The following WWOX variants were observed in gnomAD, a reference collection of about 807,000 sequenced individuals.
The protein encoded by WWOX is WW domain containing oxidoreductase.
In WWOX, 69 loss-of-function variants were observed where a neutral mutation model predicts 46.2. The ratio of observed to expected loss-of-function variants is 1.49; its 90% CI spans 1.23 to 1.82. The LOEUF (loss-of-function observed/expected upper bound fraction) is 1.82, where lower values mean the gene tolerates loss of function less well. Ranked by LOEUF, WWOX falls within the 40% of genes most tolerant of loss-of-function variation. The probability of loss-of-function intolerance (pLI) is 0.00; values close to 1 mark genes in which losing one functional copy is unlikely to be tolerated. For missense variants in WWOX, 919 were observed against 542.6 expected, an observed-to-expected ratio of 1.69 and a Z score of -6.89; for synonymous variants, 359 against 202.6, an observed-to-expected ratio of 1.77 and a Z score of -6.56.
chr16:78,715,992 C>A (rs759800245), intron 8 of WWOX, among the ~76,000 whole-genome samples: 27 of 151,652 alleles, frequency 1.8e-4, no homozygotes, highest in Non-Finnish European at 3.1e-4. Context: ...GAGGTTTGAG[C>A]AAGAAATTAT....
chr16:78,294,060 A>T (rs1193972914), intron 5 of WWOX, among the ~76,000 whole-genome samples: 1 of 141,628 alleles, frequency 7.1e-6, no homozygotes, highest in East Asian at 2.3e-4. Context: ...CTTCGTGTTT[A>T]GCAATTTGGA....
chr16:78,625,157 A>G (rs562589256), intron 8 of WWOX, among the ~76,000 whole-genome samples: 8 of 152,292 alleles, frequency 5.3e-5, no homozygotes, highest in East Asian at 1.9e-4. Flanking sequence ...AACATCACCA[A>G]TCACGCTGAG....
At chr16:78,589,735 G>C (rs2045306725) in intron 8 of WWOX, among the ~76,000 whole-genome samples, 1 of 152,178 alleles carries the variant, frequency 6.6e-6, no homozygotes, top group Non-Finnish European at 1.5e-5. Flanking sequence ...GTGTGCGACT[G>C]TTTACCTTCT....
chr16:78,308,404 C>T (rs2080173818), intron 5 of WWOX, among the ~76,000 whole-genome samples: 2 of 152,040 alleles, frequency 1.3e-5, no homozygotes, highest in South Asian at 2.1e-4. Context: ...TTTTGGAATT[C>T]AGTCACAACT....
chr16:79,000,001 C>G (rs1204830302), intron 8 of WWOX, among the ~76,000 whole-genome samples: 1 of 151,930 alleles, frequency 6.6e-6, no homozygotes, highest in Non-Finnish European at 1.5e-5. Flanking sequence ...CATCTATGAT[C>G]TTAGATTTAG....
At chr16:78,666,504 A>T (rs1466799217) in intron 8 of WWOX, among the ~76,000 whole-genome samples, 1 of 152,192 alleles carries the variant, frequency 6.6e-6, no homozygotes, top group African/African-American at 2.4e-5. Context: ...AAATTGTTTT[A>T]AAGATCTGCC....
intron 8 of WWOX, among the ~76,000 whole-genome samples, chr16:78,716,266 C>T (rs140845949): frequency 2.2e-4 from 33 of 152,194 alleles, no homozygotes; most frequent in African/African-American, 7.9e-4. Context: ...ATGTCTGGGA[C>T]TGCCAGAAGC....
At chr16:78,925,691 T>A (rs986613003) in intron 8 of WWOX, among the ~76,000 whole-genome samples, 1 of 152,212 alleles carries the variant, frequency 6.6e-6, no homozygotes, top group Non-Finnish European at 1.5e-5. Context: ...TTGCCAAGAT[T>A]TGAGAAGGGA....
chr16:78,243,046 C>G (rs1296332855), intron 5 of WWOX, among the ~76,000 whole-genome samples: 1 of 151,712 alleles, frequency 6.6e-6, no homozygotes, highest in Non-Finnish European at 1.5e-5. Flanking sequence ...GTGAGCCTTC[C>G]CTTCCCTCTC....
chr16:78,958,803 G>A lies in WWOX; in HGVS notation c.1057-252805G>A, dbSNP rs12446679. Among the ~76,000 whole-genome samples the A allele has an allele frequency of 4.6e-5, 7 of 152,238 alleles. No homozygotes were observed. In the South Asian group the frequency reaches 1.5e-3, roughly 32 times the overall value. On this transcript the variant is annotated intron_variant, in intron 8 of 8. Transcript: ENST00000566780. ...TTAATCTGAAAATAGGACATGGTTG[G>A]GGTAGTGGGCACAGGGGAAGGAAGG...
chr16:78,708,572 C>A (rs7205623), intron 8 of WWOX, among the ~76,000 whole-genome samples: 90,228 of 151,920 alleles, frequency 0.59, 27,896 homozygotes, highest in African/African-American at 0.78. Context: ...GTTGGGTGTA[C>A]TTGTTACCCC....
intron 8 of WWOX, among the ~76,000 whole-genome samples, chr16:78,840,640 G>A (rs541684870): frequency 6.6e-6 from 1 of 151,970 alleles, no homozygotes; most frequent in Non-Finnish European, 1.5e-5. Context: ...AAATCACCGA[G>A]GGATCTTGTT....
intron 8 of WWOX, among the ~76,000 whole-genome samples, chr16:78,467,896 G>A (rs551330213): frequency 5.3e-4 from 80 of 152,198 alleles, no homozygotes; most frequent in Non-Finnish European, 8.4e-4. Context: ...CAAACTCAGT[G>A]ATACTGATCA....
At chr16:79,186,415 G>A (rs542234472) in intron 8 of WWOX, among the ~76,000 whole-genome samples, 12 of 152,288 alleles carry the variant, frequency 7.9e-5, no homozygotes, top group African/African-American at 2.6e-4. Flanking sequence ...CTGGCTTGCA[G>A]CTGCAACTAT....
chr16:79,061,943 A>C (rs975061813), intron 8 of WWOX, among the ~76,000 whole-genome samples: 1 of 152,194 alleles, frequency 6.6e-6, no homozygotes, highest in Non-Finnish European at 1.5e-5. Context: ...GGAAAGTGGG[A>C]CTTCAGACGC....
At chr16:78,644,216 G>A (rs1440854026) in intron 8 of WWOX, among the ~76,000 whole-genome samples, 1 of 150,994 alleles carries the variant, frequency 6.6e-6, no homozygotes, top group African/African-American at 2.5e-5. Context: ...GCGAAACTCT[G>A]TCTCAAAAAT....
intron 8 of WWOX, among the ~76,000 whole-genome samples, chr16:79,118,779 A>G (rs2049569432): frequency 6.6e-6 from 1 of 152,204 alleles, no homozygotes; most frequent in African/African-American, 2.4e-5. Flanking sequence ...GATCATTGCC[A>G]TACGCCCATT....
intron 5 of WWOX, among the ~76,000 whole-genome samples, chr16:78,173,482 G>T (rs1280931469): frequency 6.8e-6 from 1 of 145,992 alleles, no homozygotes; most frequent in Non-Finnish European, 1.5e-5. Context: ...TTTTAATGTA[G>T]AGGAAGGGCT....
At chr16:78,603,761 G>A (rs2045679862) in intron 8 of WWOX, among the ~76,000 whole-genome samples, 1 of 152,120 alleles carries the variant, frequency 6.6e-6, no homozygotes, top group Admixed American at 6.6e-5. Context: ...AGAACACTTT[G>A]TTTCTTATCT....
Sources: gnomAD v4.1 joint callset for allele counts (sites outside exome capture counted in the v4.1 genomes callset) on GRCh38, gnomAD v4.1.1 for gene constraint, MANE v1.5 for transcripts, NCBI Gene and HGNC (gene_info 2026-07-23, HGNC 2026-07-21) for gene names.